PCDHA2: variants seen among roughly 807,000 people sequenced by gnomAD.
PCDHA2 encodes the protein protocadherin alpha-2.
In PCDHA2, 58 loss-of-function variants were observed where a neutral mutation model predicts 66.0. The ratio of observed to expected loss-of-function variants is 0.88; its 90% CI spans 0.71 to 1.09. The LOEUF (loss-of-function observed/expected upper bound fraction) is 1.09. Ranked by LOEUF, PCDHA2 falls within the 50% of genes least tolerant of loss-of-function variation. The pLI is 0.00. For missense variants in PCDHA2, 1,267 were observed against 1,242.3 expected, an observed-to-expected ratio of 1.02 and a Z score of -0.30; for synonymous variants, 634 against 554.0, an observed-to-expected ratio of 1.14 and a Z score of -2.03.
intron 1 of PCDHA2, chr5:140,806,981 G>T: frequency 1.6e-6 from 1 of 638,382 alleles, no homozygotes; most frequent in East Asian, 2.8e-5. Flanking sequence ...TTACGGTTTG[G>T]AGCCACATGA....
rs140143150 is a variant in PCDHA2 at position 140,828,784 on chromosome 5, A to C, written c.2388+31432A>C. On this transcript the variant is annotated intron_variant, in intron 1 of 3. Coordinates refer to ENST00000526136, the MANE Select transcript of PCDHA2 (RefSeq NM_018905.3). Reference sequence around the variant, plus strand: ...CAGGCACTGTTCAGCTGCTGGTCACAGTGCTGGATGTGAATGATAATGCTC... The same window carrying C: ...CAGGCACTGTTCAGCTGCTGGTCACCGTGCTGGATGTGAATGATAATGCTC... 6.8e-4 allele frequency: 1,103 copies of C among 1,614,228 alleles called. 2 individuals carry two copies. Among genetic ancestry groups the C allele is most frequent in the Non-Finnish European group, 4.9e-4 (579 of 1,180,028 alleles).
rs1554140048 is a variant in PCDHA2, at chr5:140,843,414, T to G, written c.2388+46062T>G. 6 of 1,596,080 alleles carry G rather than the reference T, an allele frequency of 3.8e-6. 1 individual carries two copies. Among genetic ancestry groups the G allele is most frequent in the South Asian group, 1.1e-5 (1 of 90,504 alleles). On this transcript the variant is annotated intron_variant, in intron 1 of 3. Coordinates refer to ENST00000526136, the MANE Select transcript of PCDHA2 (RefSeq NM_018905.3). The stretch of plus-strand genomic sequence containing the variant: ...GAAGCGGCGCTGGTGGATGTCAACG[T>G]GTACCTGATCATCGCCATCTGCGCG...
intron 1 of PCDHA2, chr5:140,875,787 C>A (rs2055811364): frequency 6.2e-7 from 1 of 1,614,082 alleles, no homozygotes; most frequent in Non-Finnish European, 8.5e-7. Context: ...GCAGTATCCA[C>A]CTGGAGGTGA....
chr5:140,807,334 G>A (rs782485620), intron 1 of PCDHA2: 1 of 1,613,482 alleles, frequency 6.2e-7, no homozygotes, highest in South Asian at 1.1e-5. Context: ...GCCGCATCGC[G>A]CAGGACCTGG....
intron 1 of PCDHA2, chr5:140,835,853 G>C (rs2150246654): frequency 1.2e-6 from 2 of 1,612,274 alleles, no homozygotes; most frequent in South Asian, 2.2e-5. Flanking sequence ...ACGCGCTGGT[G>C]TCCTACTCGC....
At chr5:140,871,103 C>A (rs202137231) in intron 1 of PCDHA2, 29 of 1,613,172 alleles carry the variant, frequency 1.8e-5, no homozygotes, top group South Asian at 1.2e-4. Context: ...GTGCTGGTGT[C>A]GTTGGTGGAG....
chr5:140,958,915 G>T (rs1162016056), intron 1 of PCDHA2, among the ~76,000 whole-genome samples: 13 of 150,674 alleles, frequency 8.6e-5, no homozygotes, highest in Non-Finnish European at 1.8e-4. Flanking sequence ...AAGTCTGCCT[G>T]GGTGTGGTGG....
intron 1 of PCDHA2, among the ~76,000 whole-genome samples, chr5:140,932,592 T>C (rs1435571468): frequency 7.2e-5 from 11 of 151,922 alleles, no homozygotes; most frequent in Non-Finnish European, 2.9e-5. Context: ...AGATGTTTTG[T>C]ATATCTATTT....
At chr5:140,983,257 A>C (rs2097036264) in intron 3 of PCDHA2, among the ~76,000 whole-genome samples, 1 of 152,214 alleles carries the variant, frequency 6.6e-6, no homozygotes, top group Non-Finnish European at 1.5e-5. Context: ...GTTGTGTAAA[A>C]AACCTAATGG....
chr5:140,898,653 G>A (rs1321472129), intron 1 of PCDHA2, among the ~76,000 whole-genome samples: 1 of 152,202 alleles, frequency 6.6e-6, no homozygotes, highest in Non-Finnish European at 1.5e-5. Context: ...TTTTGGCTTA[G>A]GATTGACTTG....
At chr5:140,869,591 A>AGAAT in intron 1 of PCDHA2, 1 of 1,614,138 alleles carries the variant, frequency 6.2e-7, no homozygotes. Flanking sequence ...GCTGACATTG[A>AGAAT]AGAGAATGCT....
rs2095730579 is a variant in PCDHA2 at position 140,963,035 on chromosome 5, T to C, written c.2389-15914T>C. Among the ~76,000 whole-genome samples, 3 of 152,330 alleles carry C rather than the reference T, an allele frequency of 2.0e-5. No individual in the cohort carries two copies. The South Asian group carries it at 6.2e-4, about 32-fold the overall frequency. On this transcript the variant is annotated intron_variant, in intron 1 of 3. Transcript: ENST00000526136. ...AAGAAAATGAAGCAATTAACATTTA[T>C]TGAGAGTCTATAAGGGTTTCTACAT...
chr5:140,837,766 TCCTGGG>T (rs1439414038), intron 1 of PCDHA2, among the ~76,000 whole-genome samples: 1 of 151,794 alleles, frequency 6.6e-6, no homozygotes, highest in Admixed American at 6.6e-5. Context: ...AACCTGAAAG[TCCTGGG>T]CTCACAGGAT....
At chr5:140,918,766 C>T (rs1387250517) in intron 1 of PCDHA2, among the ~76,000 whole-genome samples, 2 of 152,170 alleles carry the variant, frequency 1.3e-5, no homozygotes, top group Non-Finnish European at 2.9e-5. Flanking sequence ...GGTGCCTTGC[C>T]TCTTTCACCA....
At chr5:140,838,065 T>TTA (rs144773480) in intron 1 of PCDHA2, among the ~76,000 whole-genome samples, 9 of 113,460 alleles carry the variant, frequency 7.9e-5, no homozygotes, top group Non-Finnish European at 1.3e-4. Context: ...CCACTTTAAG[T>TTA]TATATATATA....
intron 1 of PCDHA2, among the ~76,000 whole-genome samples, chr5:140,935,149 T>C (rs1241997966): frequency 6.6e-6 from 1 of 152,192 alleles, no homozygotes; most frequent in Admixed American, 6.5e-5. Context: ...CTTAGAGATA[T>C]AATCTCAACA....
intron 1 of PCDHA2, chr5:140,809,296 C>T: frequency 6.2e-7 from 1 of 1,614,130 alleles, no homozygotes; most frequent in Non-Finnish European, 8.5e-7. Context: ...TGATCATTGC[C>T]ATCTGCGCGG....
At chr5:140,884,247 C>G (rs1554181368) in intron 1 of PCDHA2, 5 of 1,613,398 alleles carry the variant, frequency 3.1e-6, no homozygotes, top group Non-Finnish European at 4.2e-6. Flanking sequence ...CCCGCGCTGA[C>G]GGCCACGGCA....
intron 1 of PCDHA2, among the ~76,000 whole-genome samples, chr5:140,905,229 G>A (rs2071688415): frequency 6.6e-6 from 1 of 152,156 alleles, no homozygotes; most frequent in African/African-American, 2.4e-5. Flanking sequence ...TGAGAGATGA[G>A]GATCCAGTTT....
Sources: gnomAD v4.1 joint callset for allele counts (sites outside exome capture counted in the v4.1 genomes callset) on GRCh38, gnomAD v4.1.1 for gene constraint, MANE v1.5 for transcripts, NCBI Gene and HGNC (gene_info 2026-07-23, HGNC 2026-07-21) for gene names.